DPEP1: variants seen among roughly 807,000 people sequenced by gnomAD.
DPEP1 encodes beta-lactamase.
In DPEP1, 50 loss-of-function variants were observed where a neutral mutation model predicts 42.3. That is an observed-to-expected ratio of 1.18 (90% CI 0.94 to 1.50). The LOEUF (loss-of-function observed/expected upper bound fraction) is 1.50. DPEP1 is among the 40% of genes most tolerant of loss of function. DPEP1 has a pLI of 0.00. For missense variants in DPEP1, 663 were observed against 553.0 expected (o/e 1.20, Z -1.99); for synonymous variants, 297 against 234.0 (o/e 1.27, Z -2.46).
downstream of DPEP1, among the ~76,000 whole-genome samples, chr16:89,641,132 G>GCGTACTGGGTGGAACA (rs2059739599): frequency 6.6e-6 from 1 of 152,220 alleles, no homozygotes. Flanking sequence ...GCAGAGCCAG[G>GCGTACTGGGTGGAACA]CGTACTGGGT....
At chr16:89,634,301 A>C (rs1597767699) in intron 2 of DPEP1, among the ~76,000 whole-genome samples, 2 of 151,786 alleles carry the variant, frequency 1.3e-5, no homozygotes, top group South Asian at 2.1e-4. Context: ...GTTAGCCAGG[A>C]TGATCTCGAT....
intron 2 of DPEP1, among the ~76,000 whole-genome samples, chr16:89,633,098 C>T (rs1341924324): frequency 2.0e-5 from 3 of 152,174 alleles, no homozygotes; most frequent in African/African-American, 4.8e-5. Flanking sequence ...AGTAAAGTCT[C>T]CTGGGAGCCC....
intron 1 of DPEP1, among the ~76,000 whole-genome samples, chr16:89,622,881 G>A (rs996966530): frequency 6.6e-5 from 10 of 152,166 alleles, no homozygotes; most frequent in Non-Finnish European, 1.3e-4. Flanking sequence ...ATGGAAGAGT[G>A]TGTCTGTGAG....
At chr16:89,613,512 C>T (rs1288639362), upstream of DPEP1, 1 of 152,472 alleles carries the variant, frequency 6.6e-6, no homozygotes, top group Non-Finnish European at 1.5e-5. Flanking sequence ...TTCTCTCCAA[C>T]CTTCCCCTCC....
chr16:89,615,532 G>T (rs1207983002), intron 1 of DPEP1, among the ~76,000 whole-genome samples: 1 of 152,204 alleles, frequency 6.6e-6, no homozygotes, highest in East Asian at 1.9e-4. Context: ...TGAGGGCGTG[G>T]GTTAAAGGGC....
In DPEP1 at chr16:89,637,390, G is replaced by A. The variant is rs374720091; in HGVS notation, c.768+10G>A. 2.3e-5 allele frequency: 37 copies of A among 1,612,226 alleles called. No homozygotes were observed. Among genetic ancestry groups the A allele is most frequent in the South Asian group, 6.6e-5 (6 of 91,064 alleles). ...CGTCCTGAGGCTGGTGGTGAGGGCC[G>A]AGGGGGCGACCTCCACCCCGCCTCC... On this transcript the variant is annotated intron_variant, in intron 7 of 10. Transcript: ENST00000690203.
At position 89,636,732 on chromosome 16, in the gene DPEP1, G is replaced by A. The variant is rs1002365360; in HGVS notation, c.521+49G>A. The A allele has an allele frequency of 3.1e-6, 5 of 1,606,024 alleles. No individual in the cohort carries two copies. The African/African-American group carries it at 4.0e-5, about 13-fold the overall frequency. ...CCCCGGGCTGTGGTCAGGAGGGAGG[G>A]GGCAGACACTCCCTGCCACCCTCCA... On this transcript the variant is annotated intron_variant, in intron 5 of 10. Coordinates refer to ENST00000690203, the MANE Select transcript of DPEP1 (RefSeq NM_001389466.1).
chr16:89,627,769 T>C (rs2151488148), intron 1 of DPEP1, among the ~76,000 whole-genome samples: 1 of 136,812 alleles, frequency 7.3e-6, no homozygotes. Context: ...CAAGTGATTC[T>C]CCTCCAAAAG....
At chr16:89,636,137 C>G (rs1202628659) in intron 3 of DPEP1, 97 bp downstream of exon 3, 1 of 1,546,582 alleles carries the variant, frequency 6.5e-7, no homozygotes, top group African/African-American at 1.4e-5. Flanking sequence ...GGTGTTCCTC[C>G]AGGGTCCCTC....
chr16:89,617,570 G>A (rs1240429185), intron 1 of DPEP1, among the ~76,000 whole-genome samples: 2 of 146,742 alleles, frequency 1.4e-5, no homozygotes, highest in African/African-American at 5.0e-5. Flanking sequence ...GAAGGCGGCC[G>A]GGCGCGGCGG....
intron 1 of DPEP1, among the ~76,000 whole-genome samples, chr16:89,627,428 CA>C (rs1207701491): frequency 1.2e-4 from 18 of 150,298 alleles, no homozygotes; most frequent in Non-Finnish European, 1.0e-4. Context: ...ACTAAAAATA[CA>C]AAAAAAATTA....
chr16:89,616,517 C>T (rs1440204000), intron 1 of DPEP1, among the ~76,000 whole-genome samples: 1 of 152,128 alleles, frequency 6.6e-6, no homozygotes, highest in Non-Finnish European at 1.5e-5. Flanking sequence ...CGTGTATGGC[C>T]GACCTCGAGG....
At position 89,637,649 on chromosome 16, in the gene DPEP1, A is replaced by G. The variant is rs748370988; in HGVS notation, c.871A>G (p.Lys291Glu). 6.2e-7 allele frequency: 1 copy of G among 1,612,988 alleles called. No individual in the cohort carries two copies. The highest frequency in any genetic ancestry group is 1.1e-5 in the South Asian group (1 of 91,088). ...SQVADHLDHI[K>E]EVAGARAVGF... Reference sequence around the variant, plus strand: ...CTGGACAGACCATCTGGATCACATCAAGGAGGTGGCAGGAGCCAGAGCCGT... The same window carrying G: ...CTGGACAGACCATCTGGATCACATCGAGGAGGTGGCAGGAGCCAGAGCCGT... The change falls in exon 9 of 11, where the codon AAG (lysine) becomes GAG (glutamate). Residue 291 changes from lysine to glutamate, a missense_variant. Transcript: ENST00000690203.
chr16:89,635,619 G>A (rs1003491006), intron 2 of DPEP1, among the ~76,000 whole-genome samples: 1 of 152,140 alleles, frequency 6.6e-6, no homozygotes, highest in Non-Finnish European at 1.5e-5. Flanking sequence ...CAATGTGTCT[G>A]CCCCCCAGCC....
intron 1 of DPEP1, among the ~76,000 whole-genome samples, chr16:89,618,953 C>G (rs1219862518): frequency 1.7e-5 from 1 of 58,594 alleles, no homozygotes; most frequent in Non-Finnish European, 3.3e-5. Flanking sequence ...CCCCTGCTCC[C>G]CTCCCTGCAG....
intron 1 of DPEP1, among the ~76,000 whole-genome samples, chr16:89,623,174 C>T (rs184386504): frequency 1.6e-4 from 25 of 151,998 alleles, no homozygotes; most frequent in South Asian, 6.2e-4. Context: ...GGCGTGGTGG[C>T]AGTTGCTTTA....
chr16:89,624,195 T>C (rs1382180464), intron 1 of DPEP1, among the ~76,000 whole-genome samples: 2 of 152,144 alleles, frequency 1.3e-5, no homozygotes, highest in African/African-American at 4.8e-5. Context: ...CTGCTTTGCA[T>C]TGCTCCAAAG....
chr16:89,637,940 AC>A lies in DPEP1; in HGVS notation c.1036del (p.Leu346CysfsTer2). On this transcript the variant is annotated frameshift_variant, in exon 10 of 11. Coordinates refer to ENST00000690203, the MANE Select transcript of DPEP1 (RefSeq NM_001389466.1). LOFTEE classifies it low-confidence loss of function (END_TRUNC). ...EAEVKGALADNLLRVFEAVEQ... is the reference protein window; with the variant it reads ...EAEVKGALADXLLRVFEAVEQ... ...GAGGTCAAGGGCGCACTGGCTGACA[AC>A]CTGCTGAGGGTCTTCGAGGCTGTGG... The A allele has an allele frequency of 6.2e-7, 1 of 1,610,562 alleles. No homozygotes were observed. The highest frequency in any genetic ancestry group is 8.5e-7 in the Non-Finnish European group (1 of 1,178,936).
rs2059687339 is a variant in DPEP1, at chr16:89,636,847, C to T, written c.522-19C>T. Reference sequence around the variant, plus strand: ...AGACCACCGCTCACCTCTTGGGCACCTGCCTTTTGCTTCTCCAGGGCTGAC... The same window carrying T: ...AGACCACCGCTCACCTCTTGGGCACTTGCCTTTTGCTTCTCCAGGGCTGAC... On this transcript the variant is annotated intron_variant, in intron 5 of 10. Transcript: ENST00000690203. 6.2e-7 allele frequency: 1 copy of T among 1,612,120 alleles called. No homozygotes were observed.
Sources: gnomAD v4.1 joint callset for allele counts (sites outside exome capture counted in the v4.1 genomes callset) on GRCh38, gnomAD v4.1.1 for gene constraint, MANE v1.5 for transcripts, NCBI Gene and HGNC (gene_info 2026-07-23, HGNC 2026-07-21) for gene names.